Variants in MYO10 observed in about 807,000 individuals in gnomAD.
MYO10 encodes unconventional myosin-X.
A neutral mutation model predicts 257.3 loss-of-function variants in MYO10; 133 were observed. The observed-to-expected ratio is 0.52, with a 90% CI of 0.45 to 0.60. The LOEUF (loss-of-function observed/expected upper bound fraction) is 0.60, where lower values mean the gene tolerates loss of function less well. Ranked by LOEUF, MYO10 falls within the 20% of genes least tolerant of loss-of-function variation. The pLI is 0.00. For synonymous variants in MYO10, 1,104 were observed against 1,028.6 expected (o/e 1.07, Z -1.40); for missense variants, 2,399 against 2,635.7 (o/e 0.91, Z 1.97).
intron 2 of MYO10, among the ~76,000 whole-genome samples, chr5:16,847,323 C>G (rs1252251573): frequency 6.6e-6 from 1 of 150,780 alleles, no homozygotes; most frequent in East Asian, 2.0e-4. Flanking sequence ...ACTCAGGAGG[C>G]TGAGGCAGGA....
chr5:16,721,387 T>C (rs915440435), intron 19 of MYO10, among the ~76,000 whole-genome samples: 1 of 152,216 alleles, frequency 6.6e-6, no homozygotes, highest in Admixed American at 6.5e-5. Context: ...TTCCTGACCT[T>C]GAACAGAAGG....
intron 15 of MYO10, among the ~76,000 whole-genome samples, 163 bp downstream of exon 15, chr5:16,762,382 T>C (rs1485856416): frequency 1.3e-5 from 2 of 152,218 alleles, no homozygotes; most frequent in African/African-American, 4.8e-5. Context: ...ACCCTTTTGC[T>C]TATTTCAATT....
chr5:16,755,315 G>A (rs781063936), intron 18 of MYO10, among the ~76,000 whole-genome samples: 17 of 152,160 alleles, frequency 1.1e-4, no homozygotes, highest in Non-Finnish European at 1.5e-4. Context: ...ACAGGCGCCC[G>A]CCACCATGCC....
chr5:16,818,059 C>A lies in MYO10; in HGVS notation c.229G>T (p.Gly77Cys), dbSNP rs752462063. ...TGGAATAAGTTATACATGATGGAGC[C>A]GCCATGGAGCTCTGTCAAGGACGCC... The part of the protein sequence containing the change: ...DMASLTELHG[G>C]SIMYNLFQRY... Residue 77 changes from glycine (G) to cysteine (C), a missense_variant, in exon 3 of 41, where the codon GGC (glycine) becomes TGC (cysteine). Physicochemically the swap from Gly to Cys is radical, Grantham distance 159. This residue lies in a region of MYO10 where 242 missense variants were observed against 249.5 expected (regional missense o/e 0.97). Transcript: ENST00000513610. 6.2e-7 allele frequency: 1 copy of A among 1,607,914 alleles called. No individual in the cohort carries two copies. Among genetic ancestry groups the A allele is most frequent in the South Asian group, 1.1e-5 (1 of 89,874 alleles).
chr5:16,899,370 C>T (rs189536322), intron 1 of MYO10, among the ~76,000 whole-genome samples: 2 of 152,150 alleles, frequency 1.3e-5, no homozygotes, highest in African/African-American at 4.8e-5. Flanking sequence ...CGCGATGACT[C>T]ACGCCTGTAA....
intron 21 of MYO10, 27 bp from the exon 22 acceptor site, chr5:16,704,712 A>G: frequency 6.3e-7 from 1 of 1,583,686 alleles, no homozygotes; most frequent in Non-Finnish European, 8.7e-7. Context: ...CACATGTCAG[A>G]AGCAAAGAAC....
At chr5:16,806,153 T>C (rs1418927842) in intron 3 of MYO10, among the ~76,000 whole-genome samples, 4 of 150,998 alleles carry the variant, frequency 2.6e-5, no homozygotes, top group African/African-American at 9.8e-5. Context: ...GAGACCAGCC[T>C]GGCCAACATG....
At chr5:16,775,644 C>A (rs1741190594) in intron 9 of MYO10, among the ~76,000 whole-genome samples, 1 of 152,104 alleles carries the variant, frequency 6.6e-6, no homozygotes, top group Non-Finnish European at 1.5e-5. Context: ...GCTCTGTCGC[C>A]CAGGCTGGAG....
At chr5:16,839,691 A>G (rs1485884014) in intron 2 of MYO10, among the ~76,000 whole-genome samples, 2 of 152,162 alleles carry the variant, frequency 1.3e-5, no homozygotes, top group African/African-American at 4.8e-5. Flanking sequence ...CAGTGAGCCG[A>G]GATCGCACTA....
chr5:16,808,478 A>T (rs1483140879), intron 3 of MYO10, among the ~76,000 whole-genome samples: 2 of 152,120 alleles, frequency 1.3e-5, no homozygotes, highest in Admixed American at 1.3e-4. Context: ...AATAATAATA[A>T]ATAAAAATAA....
intron 14 of MYO10, 151 bp downstream of exon 14, chr5:16,763,330 C>T (rs1307960889): frequency 1.5e-6 from 1 of 667,074 alleles, no homozygotes; most frequent in Non-Finnish European, 2.6e-6. Flanking sequence ...CAACCTTGCA[C>T]ATTTACATTT....
chr5:16,879,424 A>G (rs1055561397), intron 1 of MYO10, among the ~76,000 whole-genome samples: 9 of 152,212 alleles, frequency 5.9e-5, no homozygotes, highest in African/African-American at 2.2e-4. Flanking sequence ...AATGGTGCCA[A>G]TCAATAGCAA....
At chr5:16,681,002 A>T (rs905923852) in intron 32 of MYO10, among the ~76,000 whole-genome samples, 3 of 152,158 alleles carry the variant, frequency 2.0e-5, no homozygotes, top group African/African-American at 7.2e-5. Context: ...CAAAAATGAG[A>T]AGAATGAAAA....
At chr5:16,670,165 G>A (rs1736375468) in intron 39 of MYO10, among the ~76,000 whole-genome samples, 1 of 152,034 alleles carries the variant, frequency 6.6e-6, no homozygotes, top group Non-Finnish European at 1.5e-5. Flanking sequence ...AAAAAACAAA[G>A]TAAAATGCAA....
At chr5:16,901,498 C>A (rs1252075253) in intron 1 of MYO10, among the ~76,000 whole-genome samples, 1 of 152,162 alleles carries the variant, frequency 6.6e-6, no homozygotes, top group Admixed American at 6.6e-5. Flanking sequence ...GCGTATTTGT[C>A]TCTTACCAGC....
At chr5:16,752,409 A>C (rs1740402184) in intron 19 of MYO10, among the ~76,000 whole-genome samples, 1 of 152,116 alleles carries the variant, frequency 6.6e-6, no homozygotes, top group Admixed American at 6.5e-5. Flanking sequence ...CAGCCTCCCA[A>C]GTAGCTGGGA....
At chr5:16,673,361 C>A (rs111275474) in intron 36 of MYO10, among the ~76,000 whole-genome samples, 2,782 of 152,182 alleles carry the variant, frequency 0.018, 84 homozygotes, top group African/African-American at 0.064. Context: ...CACTTTGTTG[C>A]AGAAGCACTG....
intron 2 of MYO10, among the ~76,000 whole-genome samples, chr5:16,851,834 C>T (rs1743811074): frequency 6.6e-6 from 1 of 151,932 alleles, no homozygotes; most frequent in Non-Finnish European, 1.5e-5. Flanking sequence ...GGGCAGATCA[C>T]GAGGTCAGGA....
At chr5:16,724,198 TATA>T (rs1408419553) in intron 19 of MYO10, among the ~76,000 whole-genome samples, 2 of 152,202 alleles carry the variant, frequency 1.3e-5, no homozygotes, top group African/African-American at 2.4e-5. Context: ...ATATAGAGTC[TATA>T]AGACTAAAAG....
Sources: gnomAD v4.1 joint callset for allele counts (sites outside exome capture counted in the v4.1 genomes callset) on GRCh38, gnomAD v4.1.1 for gene constraint, gnomAD v4.1.1 regional missense constraint, MANE v1.5 for transcripts, NCBI Gene and HGNC (gene_info 2026-07-23, HGNC 2026-07-21) for gene names.